The following DIP2C variants were observed in gnomAD, a reference collection of about 807,000 sequenced individuals.
The protein encoded by DIP2C is DIP2 acetate--CoA ligase C (putative).
DIP2C carries 33 observed loss-of-function variants against 192.4 expected under a neutral mutation model. The observed-to-expected ratio is 0.17, with a 90% CI of 0.13 to 0.23. DIP2C has a LOEUF of 0.23. Ranked by LOEUF, DIP2C falls within the 10% of genes least tolerant of loss-of-function variation. The probability of loss-of-function intolerance (pLI) is 1.00; values close to 1 mark genes in which losing one functional copy is unlikely to be tolerated. For missense variants in DIP2C, 1,537 were observed against 2,110.1 expected, an observed-to-expected ratio of 0.73 and a Z score of 5.32; for synonymous variants, 979 against 864.1, an observed-to-expected ratio of 1.13 and a Z score of -2.33.
At chr10:669,765 CAA>C (rs2132134494) in intron 1 of DIP2C, among the ~76,000 whole-genome samples, 1 of 152,276 alleles carries the variant, frequency 6.6e-6, no homozygotes, top group Non-Finnish European at 1.5e-5. Flanking sequence ...CATAAATATG[CAA>C]AAGTGATCTG....
chr10:328,952 T>C (rs1957385912), intron 30 of DIP2C, among the ~76,000 whole-genome samples: 3 of 152,186 alleles, frequency 2.0e-5, no homozygotes, highest in Admixed American at 2.0e-4. Context: ...ATAGCAATTA[T>C]TAAAAAATGA....
At chr10:577,114 A>T (rs993832958) in intron 1 of DIP2C, among the ~76,000 whole-genome samples, 1 of 152,236 alleles carries the variant, frequency 6.6e-6, no homozygotes, top group Admixed American at 6.5e-5. Context: ...CAAAAAATAA[A>T]GCGCAGATAT....
intron 1 of DIP2C, among the ~76,000 whole-genome samples, chr10:556,919 C>T (rs946372186): frequency 2.7e-5 from 4 of 145,770 alleles, no homozygotes; most frequent in Admixed American, 6.7e-5. Flanking sequence ...AACCTACATG[C>T]ACTCTCTCCT....
At chr10:278,983 A>AT (rs1168084437) in intron 36 of DIP2C, among the ~76,000 whole-genome samples, 1 of 152,164 alleles carries the variant, frequency 6.6e-6, no homozygotes, top group Non-Finnish European at 1.5e-5. Flanking sequence ...GGCAGGAGAT[A>AT]TTTTAGGAAA....
intron 32 of DIP2C, among the ~76,000 whole-genome samples, chr10:309,288 G>C (rs934724960): frequency 6.6e-6 from 1 of 152,016 alleles, no homozygotes; most frequent in Non-Finnish European, 1.5e-5. Flanking sequence ...CTCTCACCAA[G>C]AACTCCACTT....
chr10:349,590 C>A, intron 24 of DIP2C, 136 bp from the exon 25 acceptor site: 4 of 1,188,464 alleles, frequency 3.4e-6, no homozygotes, highest in Non-Finnish European at 4.5e-6. Flanking sequence ...ACCTGTGCAA[C>A]CAACATGACA....
chr10:431,617 G>T (rs1966856381), intron 4 of DIP2C, among the ~76,000 whole-genome samples: 1 of 152,166 alleles, frequency 6.6e-6, no homozygotes, highest in East Asian at 1.9e-4. Flanking sequence ...TGGTAAACAG[G>T]AAATTCGTTC....
chr10:660,296 A>G (rs1856673783), intron 1 of DIP2C, among the ~76,000 whole-genome samples: 1 of 151,606 alleles, frequency 6.6e-6, no homozygotes, highest in African/African-American at 2.4e-5. Context: ...TATGAAACAG[A>G]GATTCTAGCC....
At chr10:394,709 C>T (rs111652773) in intron 10 of DIP2C, among the ~76,000 whole-genome samples, 1 of 104,094 alleles carries the variant, frequency 9.6e-6, no homozygotes, top group African/African-American at 4.0e-5. Context: ...CGGAAGGACG[C>T]TAGGCCACAC....
intron 29 of DIP2C, among the ~76,000 whole-genome samples, chr10:334,304 C>CCAAA (rs565433892): frequency 1.2e-5 from 1 of 82,416 alleles, no homozygotes; most frequent in Non-Finnish European, 2.1e-5. Flanking sequence ...AAGACTGTCT[C>CCAAA]AAAAAAAAAA....
intron 1 of DIP2C, among the ~76,000 whole-genome samples, chr10:647,195 G>C (rs1256495167): frequency 6.6e-6 from 1 of 151,654 alleles, no homozygotes; most frequent in Non-Finnish European, 1.5e-5. Context: ...GAGAACAGAG[G>C]GAAACTGAGT....
At chr10:580,012 G>T (rs1054581672) in intron 1 of DIP2C, among the ~76,000 whole-genome samples, 2 of 151,978 alleles carry the variant, frequency 1.3e-5, no homozygotes, top group Non-Finnish European at 2.9e-5. Context: ...GTATGTACAT[G>T]AATAGCATGT....
intron 3 of DIP2C, among the ~76,000 whole-genome samples, chr10:443,615 G>T (rs527610106): frequency 6.6e-6 from 1 of 152,254 alleles, no homozygotes; most frequent in Admixed American, 6.5e-5. Context: ...GTCTACATCT[G>T]TCGGGAGCCA....
intron 1 of DIP2C, among the ~76,000 whole-genome samples, chr10:550,638 C>T (rs1189149446): frequency 6.6e-6 from 1 of 152,230 alleles, no homozygotes; most frequent in African/African-American, 2.4e-5. Context: ...AGAGCGTCTG[C>T]ACTCTGCCTT....
chr10:393,760 C>T (rs1248593871), intron 10 of DIP2C, among the ~76,000 whole-genome samples: 3 of 112,906 alleles, frequency 2.7e-5, no homozygotes, highest in Non-Finnish European at 4.8e-5. Context: ...GCCTGGGTGA[C>T]AGAGCGAGAC....
At chr10:553,860 A>T (rs1848707199) in intron 1 of DIP2C, among the ~76,000 whole-genome samples, 1 of 152,076 alleles carries the variant, frequency 6.6e-6, no homozygotes, top group African/African-American at 2.4e-5. Context: ...ATACGCTTGT[A>T]ACTAACAGTG....
chr10:392,519 G>A (rs1963547697), intron 10 of DIP2C, among the ~76,000 whole-genome samples: 1 of 152,238 alleles, frequency 6.6e-6, no homozygotes, highest in African/African-American at 2.4e-5. Flanking sequence ...CTGCTATTCA[G>A]CCAAGGTGAG....
chr10:297,608 G>A (rs543506943), intron 32 of DIP2C, among the ~76,000 whole-genome samples: 45 of 152,282 alleles, frequency 3.0e-4, no homozygotes, highest in African/African-American at 1.1e-3. Context: ...ACTCATATGT[G>A]GAAGCTAAAG....
Position 413,983 on chromosome 10 carries a change from G to A in DIP2C, c.987C>T (p.Thr329=). Residue 329 remains threonine (T), a synonymous_variant, in exon 8 of 37, where the codon ACC becomes ACT. Coordinates refer to ENST00000280886, the MANE Select transcript of DIP2C (RefSeq NM_014974.3). ...TCAGGCAGGGCGCCTTGGGCGAGAT[G>A]GTGCCCCACCTCTGCAGTGCGGCCT... The part of the protein sequence containing the change: ...SLEAALQRWG[T]ISPKAPCLTT... 1 of 1,614,202 alleles carries A rather than the reference G, an allele frequency of 6.2e-7. No individual in the cohort carries two copies. The highest frequency in any genetic ancestry group is 8.5e-7 in the Non-Finnish European group (1 of 1,180,036).
Sources: gnomAD v4.1 joint callset for allele counts (sites outside exome capture counted in the v4.1 genomes callset) on GRCh38, gnomAD v4.1.1 for gene constraint, MANE v1.5 for transcripts, NCBI Gene and HGNC (gene_info 2026-07-23, HGNC 2026-07-21) for gene names.